The following SMAD1 variants were observed in gnomAD, a reference collection of about 807,000 sequenced individuals.
The protein encoded by SMAD1 is SMAD family member 1.
In SMAD1, 6 loss-of-function variants were observed where a neutral mutation model predicts 41.6. The observed-to-expected ratio is 0.14, with a 90% CI of 0.08 to 0.28. The LOEUF (loss-of-function observed/expected upper bound fraction) is 0.28. SMAD1 is among the 10% of genes least tolerant of loss of function. The probability of loss-of-function intolerance (pLI) is 1.00; values close to 1 mark genes in which losing one functional copy is unlikely to be tolerated. For missense variants in SMAD1, 379 were observed against 582.6 expected (o/e 0.65, Z 3.60); for synonymous variants, 206 against 203.2 (o/e 1.01, Z -0.12).
At chr4:145,520,661 G>A (rs1730689892) in intron 2 of SMAD1, among the ~76,000 whole-genome samples, 2 of 152,204 alleles carry the variant, frequency 1.3e-5, no homozygotes, top group South Asian at 4.1e-4. Flanking sequence ...CCTCTAACAA[G>A]ATGGGATAAG....
At chr4:145,515,214 C>A (rs1015308126) in intron 2 of SMAD1, among the ~76,000 whole-genome samples, 1 of 149,210 alleles carries the variant, frequency 6.7e-6, no homozygotes, top group Non-Finnish European at 1.5e-5. Flanking sequence ...CTGAGTGTTT[C>A]ATACATTTTA....
chr4:145,499,473 T>C (rs1169200209), intron 1 of SMAD1, among the ~76,000 whole-genome samples: 1 of 152,018 alleles, frequency 6.6e-6, no homozygotes, highest in African/African-American at 2.4e-5. Context: ...ATCCAAAAAT[T>C]AGCCAGGCGA....
intron 1 of SMAD1, among the ~76,000 whole-genome samples, chr4:145,495,998 A>G (rs547966081): frequency 6.8e-4 from 103 of 152,240 alleles, no homozygotes; most frequent in African/African-American, 2.4e-3. Flanking sequence ...GAACACATAC[A>G]AGAGCTAATG....
At chr4:145,545,192 A>G (rs564159555) in intron 4 of SMAD1, 1 of 152,278 alleles carries the variant, frequency 6.6e-6, no homozygotes, top group South Asian at 2.1e-4. Flanking sequence ...TTCATTCATT[A>G]CATATTGTCT....
Position 145,514,581 on chromosome 4 carries a change from C to T in SMAD1, c.-33C>T. On this transcript the variant is annotated 5_prime_UTR_variant, in exon 2 of 7. Transcript: ENST00000302085. This position sits in a 1 kb window ranked among gnomAD's most constrained non-coding sequence, Gnocchi z 4.7. ...TGCATTTGGAGACAGCTTTATTTCA[C>T]CATATCCAAGGAGTATAACTAGTGC... 1 of 1,529,070 alleles carries T rather than the reference C, an allele frequency of 6.5e-7. No individual in the cohort carries two copies. Among genetic ancestry groups the T allele is most frequent in the Non-Finnish European group, 8.8e-7 (1 of 1,139,380 alleles). 94.7% of individuals were successfully genotyped at this position (1,529,070 alleles called of 1,614,324 possible).
intron 1 of SMAD1, among the ~76,000 whole-genome samples, chr4:145,485,952 G>A (rs1728460205): frequency 6.6e-6 from 1 of 152,212 alleles, no homozygotes; most frequent in Admixed American, 6.5e-5. Context: ...GAGGTACAGT[G>A]AATGATTATG....
At chr4:145,486,558 T>C (rs906785236) in intron 1 of SMAD1, among the ~76,000 whole-genome samples, 5 of 152,228 alleles carry the variant, frequency 3.3e-5, no homozygotes, top group Non-Finnish European at 7.3e-5. Flanking sequence ...TATCTTCTTA[T>C]TCCCACCTTC....
At chr4:145,505,796 G>C (rs184042257) in intron 1 of SMAD1, among the ~76,000 whole-genome samples, 1 of 151,948 alleles carries the variant, frequency 6.6e-6, no homozygotes. Flanking sequence ...GCACTTAGGT[G>C]GTTTTGTTAC....
chr4:145,491,447 A>G (rs1728760694), intron 1 of SMAD1, among the ~76,000 whole-genome samples: 2 of 152,234 alleles, frequency 1.3e-5, no homozygotes. Context: ...GGAAAAAAGA[A>G]GTACAAACTA....
Position 145,542,693 on chromosome 4 carries a change from G to C in SMAD1, c.770G>C (p.Arg257Thr), listed in dbSNP as rs1263640239. 2 of 1,605,886 alleles carry C rather than the reference G, an allele frequency of 1.2e-6. No individual in the cohort carries two copies. Among genetic ancestry groups the C allele is most frequent in the South Asian group, 1.1e-5 (1 of 90,142 alleles). ...MAPPLPSEIN[R>T]GDVQAVAYEE... is the part of the protein sequence containing the mutation. ...CCTCCCCTGCCCTCAGAAATCAACA[G>C]AGGAGGTAAAACTAATTGCTGCCTG... Residue 257 changes from arginine (R) to threonine (T), a missense_variant, in exon 4 of 7, where the codon AGA becomes ACA. Physicochemically the swap from Arg to Thr is moderately conservative, Grantham distance 71. Coordinates refer to ENST00000302085, the MANE Select transcript of SMAD1 (RefSeq NM_005900.3).
At chr4:145,525,341 T>C (rs760429405) in intron 2 of SMAD1, among the ~76,000 whole-genome samples, 1 of 152,162 alleles carries the variant, frequency 6.6e-6, no homozygotes, top group Non-Finnish European at 1.5e-5. Flanking sequence ...TGCCCTGATA[T>C]TTGGAAAAAT....
chr4:145,548,237 A>T (rs962003475), intron 5 of SMAD1, among the ~76,000 whole-genome samples: 27 of 150,010 alleles, frequency 1.8e-4, no homozygotes, highest in African/African-American at 6.6e-4. Context: ...TTTATATTTT[A>T]TTTTTTTTTG....
intron 1 of SMAD1, among the ~76,000 whole-genome samples, chr4:145,488,010 G>A (rs1347162629): frequency 6.6e-6 from 1 of 152,174 alleles, no homozygotes; most frequent in Non-Finnish European, 1.5e-5. Flanking sequence ...CTGAACTTTA[G>A]AGAAGACTCT....
chr4:145,529,367 G>A (rs1353731013), intron 2 of SMAD1, among the ~76,000 whole-genome samples: 1 of 152,188 alleles, frequency 6.6e-6, no homozygotes, highest in East Asian at 1.9e-4. Flanking sequence ...AACTACCAGG[G>A]TGAAAGTAGG....
intron 1 of SMAD1, among the ~76,000 whole-genome samples, chr4:145,486,316 C>T (rs1328901428): frequency 6.6e-6 from 1 of 152,176 alleles, no homozygotes; most frequent in Non-Finnish European, 1.5e-5. Context: ...TTGTCACTTT[C>T]CTCTTGCATT....
At position 145,558,014 on chromosome 4, in the gene SMAD1, A is replaced by G; in HGVS notation, c.*80A>G. ...GATGGATGAGTCAGACACGATTGAG[A>G]ACTGACAAAGGAGCCTTGATAATAC... On this transcript the variant is annotated 3_prime_UTR_variant, in exon 7 of 7. Coordinates refer to ENST00000302085, the MANE Select transcript of SMAD1 (RefSeq NM_005900.3). The G allele has an allele frequency of 9.1e-7, 1 of 1,104,772 alleles. No homozygotes were observed. Among genetic ancestry groups the G allele is most frequent in the Non-Finnish European group, 1.2e-6 (1 of 803,342 alleles). The allele number at this position is 1,104,772 out of a possible 1,614,324, so 68.4% of individuals were successfully genotyped here.
At chr4:145,483,684 A>G (rs1273975292) in intron 1 of SMAD1, among the ~76,000 whole-genome samples, 1 of 152,150 alleles carries the variant, frequency 6.6e-6, no homozygotes, top group Non-Finnish European at 1.5e-5. Context: ...TCATTGGTGT[A>G]ATACTGCAGT....
At chr4:145,546,402 C>G in intron 4 of SMAD1, 1 of 352,470 alleles carries the variant, frequency 2.8e-6, no homozygotes, top group Non-Finnish European at 5.3e-6. Flanking sequence ...TATTACAGAG[C>G]AATTAGCATA....
intron 1 of SMAD1, among the ~76,000 whole-genome samples, chr4:145,491,794 A>T (rs1027444155): frequency 6.6e-6 from 1 of 152,200 alleles, no homozygotes; most frequent in Non-Finnish European, 1.5e-5. Flanking sequence ...GGCGTAGATG[A>T]TGAACCTTGA....
Sources: gnomAD v4.1 joint callset for allele counts (sites outside exome capture counted in the v4.1 genomes callset) on GRCh38, gnomAD v4.1.1 for gene constraint, Gnocchi (gnomAD v3.1) non-coding constraint, MANE v1.5 for transcripts, NCBI Gene and HGNC (gene_info 2026-07-23, HGNC 2026-07-21) for gene names.